ATF7: variants seen among roughly 807,000 people sequenced by gnomAD.
The protein encoded by ATF7 is activating transcription factor 7.
A neutral mutation model predicts 50.4 loss-of-function variants in ATF7; 10 were observed. The ratio of observed to expected loss-of-function variants is 0.20; its 90% CI spans 0.12 to 0.34. ATF7 has a LOEUF of 0.34. Among genes scored for constraint, ATF7 ranks in the 10% least tolerant of loss-of-function variants. The probability of loss-of-function intolerance (pLI) is 1.00; values close to 1 mark genes in which losing one functional copy is unlikely to be tolerated. For synonymous variants in ATF7, 201 were observed against 226.4 expected (o/e 0.89, Z 1.01); for missense variants, 465 against 613.9 (o/e 0.76, Z 2.56).
rs1334370955 is a variant in ATF7 at position 53,515,633 on chromosome 12, A to G, written c.*1504T>C. 3 of 152,118 alleles carry G rather than the reference A, an allele frequency of 2.0e-5. No individual in the cohort carries two copies. Among genetic ancestry groups the G allele is most frequent in the Non-Finnish European group, 4.4e-5 (3 of 68,018 alleles). 9.4% of individuals were successfully genotyped at this position (152,118 alleles called of 1,614,324 possible). On this transcript the variant is annotated 3_prime_UTR_variant, in exon 12 of 12. Transcript: ENST00000420353. Reference sequence around the variant, plus strand: ...GATGAATTGCTCCCTCTGCAACCCAACTCTTCAAAGTAAGAATGGTTGAGA... The same window carrying G: ...GATGAATTGCTCCCTCTGCAACCCAGCTCTTCAAAGTAAGAATGGTTGAGA...
chr12:53,594,368 G>A (rs962934866), intron 2 of ATF7, among the ~76,000 whole-genome samples: 35 of 152,184 alleles, frequency 2.3e-4, no homozygotes, highest in Non-Finnish European at 3.5e-4. Flanking sequence ...AATTTCCTGC[G>A]TGTAGTACCA....
intron 11 of ATF7, among the ~76,000 whole-genome samples, chr12:53,518,410 A>G (rs1480105877): frequency 6.6e-6 from 1 of 152,226 alleles, no homozygotes; most frequent in East Asian, 1.9e-4. Flanking sequence ...TACTAAACAC[A>G]ACTACCTGAG....
chr12:53,619,882 A>G (rs771246928), intron 1 of ATF7, among the ~76,000 whole-genome samples: 1 of 151,880 alleles, frequency 6.6e-6, no homozygotes, highest in Non-Finnish European at 1.5e-5. Context: ...ACAGTAGCTC[A>G]TGCGTGTAAT....
At chr12:53,600,849 C>T in intron 2 of ATF7, 104 bp downstream of exon 2, 3 of 1,098,556 alleles carry the variant, frequency 2.7e-6, no homozygotes, top group South Asian at 2.8e-5. Flanking sequence ...TGATTACCTC[C>T]AGTGATCACG....
At chr12:53,614,448 C>T (rs1944028038) in intron 1 of ATF7, among the ~76,000 whole-genome samples, 1 of 152,056 alleles carries the variant, frequency 6.6e-6, no homozygotes. Context: ...AGTAATCAAC[C>T]CCAAAACACT....
At chr12:53,531,720 A>C (rs1235026548) in intron 9 of ATF7, 24 bp downstream of exon 9, 5 of 1,598,334 alleles carry the variant, frequency 3.1e-6, no homozygotes, top group Non-Finnish European at 4.3e-6. Flanking sequence ...TAAAGATATG[A>C]CATAAAGAGT....
chr12:53,569,422 T>C (rs1265780093), intron 2 of ATF7, among the ~76,000 whole-genome samples: 5 of 152,266 alleles, frequency 3.3e-5, no homozygotes, highest in Non-Finnish European at 7.3e-5. Flanking sequence ...TCTTCTCTAC[T>C]TTCTCTGGGA....
chr12:53,577,728 A>AG (rs1555221467), intron 2 of ATF7, among the ~76,000 whole-genome samples: 4 of 147,370 alleles, frequency 2.7e-5, no homozygotes, highest in Non-Finnish European at 5.9e-5. Context: ...AAAAAAAAAA[A>AG]AAAGAAAGAA....
At position 53,532,594 on chromosome 12, in the gene ATF7, G is replaced by A; in HGVS notation, c.690C>T (p.Asn230=). 1 of 1,608,296 alleles carries A rather than the reference G, an allele frequency of 6.2e-7. No homozygotes were observed. Among genetic ancestry groups the A allele is most frequent in the Non-Finnish European group, 8.5e-7 (1 of 1,177,656 alleles). The part of the protein sequence containing the change: ...SLARPVSMVP[N]IPGIPGPPVN... Reference sequence around the variant, plus strand: ...CTGGTGGGCCAGGGATACCAGGAATGTTGGGCACCATGGACACAGGTCTGG... The same window carrying A: ...CTGGTGGGCCAGGGATACCAGGAATATTGGGCACCATGGACACAGGTCTGG... The change falls in exon 8 of 12, where the codon AAC becomes AAT. Residue 230 remains asparagine (N), a synonymous_variant. Coordinates refer to ENST00000420353, the MANE Select transcript of ATF7 (RefSeq NM_006856.3).
At chr12:53,599,034 T>C (rs1242298225) in intron 2 of ATF7, among the ~76,000 whole-genome samples, 1 of 152,186 alleles carries the variant, frequency 6.6e-6, no homozygotes, top group Admixed American at 6.5e-5. Flanking sequence ...AGATCATTTT[T>C]AAATTTATTT....
downstream of ATF7, among the ~76,000 whole-genome samples, chr12:53,510,442 A>G (rs748856089): frequency 7.9e-5 from 12 of 152,192 alleles, no homozygotes; most frequent in Non-Finnish European, 1.5e-4. Context: ...CTCCTGTGTG[A>G]CAGAGGTCCA....
intron 6 of ATF7, among the ~76,000 whole-genome samples, chr12:53,534,104 C>T (rs902711389): frequency 6.6e-6 from 1 of 152,092 alleles, no homozygotes; most frequent in Non-Finnish European, 1.5e-5. Flanking sequence ...GGTGAAACCC[C>T]GTCTCTACTA....
intron 2 of ATF7, among the ~76,000 whole-genome samples, chr12:53,572,991 G>A (rs186691382): frequency 1.1e-3 from 172 of 150,980 alleles, no homozygotes; most frequent in Non-Finnish European, 1.4e-3. Flanking sequence ...CACCATGTTG[G>A]CCAGGCTGGT....
At chr12:53,620,575 C>CAAAAAAAA (rs34516346) in intron 1 of ATF7, among the ~76,000 whole-genome samples, 320 of 75,450 alleles carry the variant, frequency 4.2e-3, no homozygotes, top group Middle Eastern at 0.019. Flanking sequence ...GACTCCGTCT[C>CAAAAAAAA]AAAAAAAAAA....
Position 53,616,894 on chromosome 12 carries a change from G to C in ATF7, c.-22+9385C>G, listed in dbSNP as rs181026622. 5.2e-3 allele frequency among the ~76,000 whole-genome samples: 755 copies of C among 145,104 alleles called. 4 individuals carry two copies. Among genetic ancestry groups the C allele is most frequent in the Non-Finnish European group, 8.2e-3 (548 of 67,020 alleles). On this transcript the variant is annotated intron_variant, in intron 1 of 11. Coordinates refer to ENST00000420353, the MANE Select transcript of ATF7 (RefSeq NM_006856.3). ...TGGGAGGCGGAGATTGCAGTGAGCC[G>C]AGACCATGCCACTGTACTCCAGCCT...
intron 2 of ATF7, among the ~76,000 whole-genome samples, chr12:53,583,221 G>A (rs1942520415): frequency 6.6e-6 from 1 of 152,156 alleles, no homozygotes; most frequent in South Asian, 2.1e-4. Flanking sequence ...TGTATTTACA[G>A]CCACTCCCCA....
chr12:53,552,301 A>G (rs1423982433), intron 3 of ATF7, among the ~76,000 whole-genome samples: 1 of 152,216 alleles, frequency 6.6e-6, no homozygotes, highest in African/African-American at 2.4e-5. Flanking sequence ...AAAAACTAAG[A>G]CGAAACCTCA....
At chr12:53,590,508 TA>T (rs1342648192) in intron 2 of ATF7, among the ~76,000 whole-genome samples, 2 of 152,206 alleles carry the variant, frequency 1.3e-5, no homozygotes. Flanking sequence ...TGCTCAACCC[TA>T]ATACCTTGAT....
intron 2 of ATF7, among the ~76,000 whole-genome samples, chr12:53,564,341 A>G (rs1412320760): frequency 6.6e-6 from 1 of 152,256 alleles, no homozygotes; most frequent in African/African-American, 2.4e-5. Flanking sequence ...ACACAACTGC[A>G]TTCCAGCCTG....
Sources: allele counts gnomAD v4.1 joint callset (sites outside exome capture counted in the v4.1 genomes callset), GRCh38; gene constraint gnomAD v4.1.1; transcripts MANE v1.5; gene names NCBI Gene and HGNC (gene_info 2026-07-23, HGNC 2026-07-21).